Variants in NELL1 observed in about 807,000 individuals in gnomAD.
The protein encoded by NELL1 is neural EGFL like 1.
NELL1 carries 76 observed loss-of-function variants against 107.4 expected under a neutral mutation model. The observed-to-expected ratio is 0.71, with a 90% CI of 0.59 to 0.86. The LOEUF (loss-of-function observed/expected upper bound fraction) is 0.86, where lower values mean the gene tolerates loss of function less well. Among genes scored for constraint, NELL1 ranks in the 40% least tolerant of loss-of-function variants. The pLI is 0.00. For synonymous variants in NELL1, 353 were observed against 341.2 expected (o/e 1.03, Z -0.38); for missense variants, 1,024 against 1,005.5 (o/e 1.02, Z -0.25).
chr11:21,547,335 G>A (rs1299077846), intron 16 of NELL1, among the ~76,000 whole-genome samples: 2 of 151,790 alleles, frequency 1.3e-5, no homozygotes, highest in Admixed American at 6.6e-5. Context: ...TTCCAAGGAT[G>A]GTGAGATTTC....
At chr11:21,231,732 T>C (rs1285671620) in intron 14 of NELL1, among the ~76,000 whole-genome samples, 2 of 152,188 alleles carry the variant, frequency 1.3e-5, no homozygotes, top group Non-Finnish European at 2.9e-5. Context: ...GTTTAAATAA[T>C]GTTCCTGATG....
At chr11:20,730,183 A>G (rs1160519227) in intron 2 of NELL1, among the ~76,000 whole-genome samples, 1 of 152,204 alleles carries the variant, frequency 6.6e-6, no homozygotes, top group East Asian at 1.9e-4. Flanking sequence ...ATATGAAAGT[A>G]TAGTTGGAAA....
chr11:21,362,673 C>T (rs756577120), intron 14 of NELL1, among the ~76,000 whole-genome samples: 2 of 152,264 alleles, frequency 1.3e-5, no homozygotes, highest in African/African-American at 4.8e-5. Context: ...TAGTAGGGGG[C>T]TCTAAGCTTG....
At chr11:20,864,056 C>A (rs761793323) in intron 4 of NELL1, among the ~76,000 whole-genome samples, 7 of 152,038 alleles carry the variant, frequency 4.6e-5, no homozygotes, top group Non-Finnish European at 1.0e-4. Context: ...GAGATGGCAG[C>A]AGCACAGCCC....
chr11:20,704,247 A>G (rs578147584), intron 2 of NELL1, among the ~76,000 whole-genome samples: 1 of 152,176 alleles, frequency 6.6e-6, no homozygotes, highest in South Asian at 2.1e-4. Context: ...TGATCCCTTT[A>G]CCATTATGTA....
intron 9 of NELL1, among the ~76,000 whole-genome samples, chr11:20,935,161 C>T (rs1027094616): frequency 6.6e-6 from 1 of 152,080 alleles, no homozygotes; most frequent in African/African-American, 2.4e-5. Flanking sequence ...ATGGGGGTTG[C>T]AATTAGCAGC....
At chr11:20,971,231 C>T (rs1485242799) in intron 12 of NELL1, among the ~76,000 whole-genome samples, 1 of 152,062 alleles carries the variant, frequency 6.6e-6, no homozygotes, top group African/African-American at 2.4e-5. Context: ...CATGCTGAGA[C>T]ATTTTTTTGG....
At chr11:20,893,240 A>C (rs960593749) in intron 5 of NELL1, among the ~76,000 whole-genome samples, 2 of 151,856 alleles carry the variant, frequency 1.3e-5, no homozygotes, top group Non-Finnish European at 2.9e-5. Context: ...GGGGAACAAC[A>C]TACCCCAGGG....
chr11:20,910,316 C>G (rs188680032), intron 5 of NELL1, among the ~76,000 whole-genome samples: 2 of 152,286 alleles, frequency 1.3e-5, no homozygotes, highest in Admixed American at 1.3e-4. Context: ...CTGATCAAAG[C>G]AAGTCACAAG....
chr11:20,763,825 A>T (rs1358117532), intron 2 of NELL1, among the ~76,000 whole-genome samples: 1 of 152,180 alleles, frequency 6.6e-6, no homozygotes, highest in Non-Finnish European at 1.5e-5. Flanking sequence ...AAGGGCAGGA[A>T]TGGAGGGGGT....
At chr11:21,258,332 T>A (rs1175598329) in intron 14 of NELL1, among the ~76,000 whole-genome samples, 1 of 152,048 alleles carries the variant, frequency 6.6e-6, no homozygotes, top group Non-Finnish European at 1.5e-5. Flanking sequence ...AAATTCTAGT[T>A]CTGTAGCTAA....
chr11:20,713,088 G>A (rs1267559991), intron 2 of NELL1, among the ~76,000 whole-genome samples: 1 of 152,242 alleles, frequency 6.6e-6, no homozygotes, highest in Non-Finnish European at 1.5e-5. Context: ...AATGGCCTGA[G>A]TTGGTTGGCC....
chr11:20,947,185 T>C (rs1850979626), intron 10 of NELL1, 151 bp from the exon 11 acceptor site: 1 of 595,496 alleles, frequency 1.7e-6, no homozygotes, highest in Non-Finnish European at 3.0e-6. Context: ...ATTAATTTAA[T>C]TTGTGGCATT....
chr11:21,129,138 C>G (rs1051927222), intron 13 of NELL1, among the ~76,000 whole-genome samples: 1 of 151,770 alleles, frequency 6.6e-6, no homozygotes, highest in African/African-American at 2.4e-5. Context: ...TTTTCTTTAC[C>G]GTTTACATTT....
At chr11:20,939,602 C>G (rs1253934386) in intron 10 of NELL1, among the ~76,000 whole-genome samples, 1 of 152,092 alleles carries the variant, frequency 6.6e-6, no homozygotes, top group East Asian at 1.9e-4. Flanking sequence ...GAATTCGACC[C>G]CTTTATCCTC....
chr11:21,221,414 T>G (rs1389148081), intron 13 of NELL1, among the ~76,000 whole-genome samples: 1 of 152,186 alleles, frequency 6.6e-6, no homozygotes. Flanking sequence ...TTAGGAAGAA[T>G]TACCACCTCT....
chr11:21,573,147 G>A, intron 18 of NELL1, 38 bp from the exon 19 acceptor site: 3 of 1,509,620 alleles, frequency 2.0e-6, no homozygotes, highest in Non-Finnish European at 2.8e-6. Context: ...ATTATGCATA[G>A]GAACAATAAT....
intron 13 of NELL1, among the ~76,000 whole-genome samples, chr11:21,142,366 G>C (rs190054437): frequency 6.6e-6 from 1 of 152,346 alleles, no homozygotes; most frequent in Non-Finnish European, 1.5e-5. Flanking sequence ...TTGTTCTACA[G>C]AGTCTGGGAT....
intron 12 of NELL1, among the ~76,000 whole-genome samples, chr11:21,003,627 G>T (rs1290852638): frequency 1.3e-5 from 2 of 151,992 alleles, no homozygotes; most frequent in Non-Finnish European, 2.9e-5. Context: ...TGCTGTTTTT[G>T]GTACAGAGAC....
Sources: gnomAD v4.1 joint callset for allele counts (sites outside exome capture counted in the v4.1 genomes callset) on GRCh38, gnomAD v4.1.1 for gene constraint, MANE v1.5 for transcripts, NCBI Gene and HGNC (gene_info 2026-07-23, HGNC 2026-07-21) for gene names.